The following GOLGA8A variants were observed in gnomAD, a reference collection of about 807,000 sequenced individuals.
GOLGA8A encodes the protein golgin A8 family member A, also known as golgin subfamily A member 8A.
In GOLGA8A, 3 loss-of-function variants were observed where a neutral mutation model predicts 22.1. The observed-to-expected ratio is 0.14, with a 90% CI of 0.06 to 0.35. The LOEUF (loss-of-function observed/expected upper bound fraction) is 0.35. GOLGA8A is among the 10% of genes least tolerant of loss of function. The pLI is 1.00. For synonymous variants in GOLGA8A, 7 were observed against 91.7 expected, an observed-to-expected ratio of 0.08 and a Z score of 5.28; for missense variants, 16 against 233.2, an observed-to-expected ratio of 0.07 and a Z score of 6.07.
At chr15:34,428,554 T>A (rs1038529284) in intron 2 of GOLGA8A, 1 of 148,568 alleles carries the variant, frequency 6.7e-6, no homozygotes, top group Non-Finnish European at 1.5e-5. Flanking sequence ...GTCCCCCACC[T>A]CCACACCATG....
At chr15:34,403,032 G>A (rs1595645954) in intron 5 of GOLGA8A, among the ~76,000 whole-genome samples, 1 of 104,452 alleles carries the variant, frequency 9.6e-6, no homozygotes, top group Non-Finnish European at 1.9e-5. Context: ...GCATTATGAA[G>A]TTTCAAGAGA....
At chr15:34,420,719 G>A (rs938339170) in intron 2 of GOLGA8A, among the ~76,000 whole-genome samples, 12 of 126,532 alleles carry the variant, frequency 9.5e-5, no homozygotes, top group African/African-American at 3.5e-4. Flanking sequence ...CTGAGGAAAG[G>A]CAGACTTCAT....
At chr15:34,431,291 T>TTATATATATATATATATACGTA (rs1893219643) in intron 2 of GOLGA8A, among the ~76,000 whole-genome samples, 1 of 112,136 alleles carries the variant, frequency 8.9e-6, no homozygotes, top group African/African-American at 3.5e-5. Context: ...TGAAAAAAAA[T>TTATATATATATATATATACGTA]TATATATATA....
Position 34,380,840 on chromosome 15 carries a change from A to G in GOLGA8A, c.*571T>C. ...TCACCAATACACAGAAAATGGAGGA[A>G]AGGCTGTTTCCAGTTCTCGGCCTTT... On this transcript the variant is annotated 3_prime_UTR_variant, in exon 25 of 25. Transcript: ENST00000359187. The G allele has an allele frequency of 5.2e-6, 1 of 191,914 alleles. No homozygotes were observed. The highest frequency in any genetic ancestry group is 8.8e-5 in the South Asian group (1 of 11,376). 11.9% of individuals were successfully genotyped at this position (191,914 alleles called of 1,614,324 possible).
In GOLGA8A at chr15:34,432,011, A is replaced by G. The variant is rs780771943; in HGVS notation, c.-1123+3372T>C. ...GTGTTCTCCGACTCACTATTTACTA[A>G]TAAGAGTTTCCTCAGAACTGTCTTT... On this transcript the variant is annotated intron_variant, in intron 2 of 24. Coordinates refer to ENST00000359187, the MANE Select transcript of GOLGA8A (RefSeq NM_181077.5). 3.4e-5 allele frequency among the ~76,000 whole-genome samples: 5 copies of G among 149,224 alleles called. 1 individual carries two copies. The highest frequency in any genetic ancestry group is 7.4e-5 in the Non-Finnish European group (5 of 67,200).
chr15:34,409,805 CAG>C (rs1892353163), intron 2 of GOLGA8A: 1 of 637,332 alleles, frequency 1.6e-6, no homozygotes, highest in African/African-American at 1.9e-5. Context: ...ACCCTGCGGC[CAG>C]AGAGCCCCAC....
intron 2 of GOLGA8A, among the ~76,000 whole-genome samples, chr15:34,434,386 C>A (rs1893396940): frequency 6.7e-6 from 1 of 149,406 alleles, no homozygotes; most frequent in Non-Finnish European, 1.5e-5. Flanking sequence ...CAATGGCACC[C>A]CACCAGTACG....
chr15:34,435,945 C>T (rs1390151429), intron 1 of GOLGA8A, among the ~76,000 whole-genome samples: 4 of 149,274 alleles, frequency 2.7e-5, no homozygotes, highest in African/African-American at 9.9e-5. Context: ...CACCCCAGCC[C>T]TCCTGCCCCG....
At chr15:34,429,715 C>T (rs1489430397) in intron 2 of GOLGA8A, among the ~76,000 whole-genome samples, 1 of 146,314 alleles carries the variant, frequency 6.8e-6, no homozygotes, top group Non-Finnish European at 1.5e-5. Context: ...AAAATACCTA[C>T]TGAGTACACG....
chr15:34,433,145 G>T (rs865794683), intron 2 of GOLGA8A, among the ~76,000 whole-genome samples: 1 of 148,856 alleles, frequency 6.7e-6, no homozygotes, highest in Non-Finnish European at 1.5e-5. Flanking sequence ...TAAAACCAAA[G>T]CATCTTCTCC....
chr15:34,428,630 C>G (rs1258508548), intron 2 of GOLGA8A: 1 of 148,058 alleles, frequency 6.8e-6, no homozygotes. Context: ...AAACAGGGAC[C>G]TCTGACGCTT....
rs541495431 is a variant in GOLGA8A, at chr15:34,380,651, G to A, written c.*760C>T. Reference sequence around the variant, plus strand: ...GCAGCTCACGATGCAATATCTTCATGAGCCCAGAGCACATACAAATCCAAA... The same window carrying A: ...GCAGCTCACGATGCAATATCTTCATAAGCCCAGAGCACATACAAATCCAAA... On this transcript the variant is annotated 3_prime_UTR_variant, in exon 25 of 25. Transcript: ENST00000359187. The A allele has an allele frequency of 6.5e-6, 1 of 152,944 alleles. No individual in the cohort carries two copies. The highest frequency in any genetic ancestry group is 2.1e-4 in the South Asian group (1 of 4,838). The allele number at this position is 152,944 out of a possible 1,614,324, so 9.5% of individuals were successfully genotyped here.
At chr15:34,420,492 G>C (rs530283173) in intron 2 of GOLGA8A, among the ~76,000 whole-genome samples, 1 of 145,944 alleles carries the variant, frequency 6.9e-6, no homozygotes, top group Non-Finnish European at 1.5e-5. Flanking sequence ...GCCAGGTCAC[G>C]GGCACAGGCC....
Position 34,415,768 on chromosome 15 carries a change from ATT to A in GOLGA8A, c.-1122-8035_-1122-8034del, listed in dbSNP as rs1892548509. The A allele has an allele frequency of 1.2e-4, 3 of 24,328 alleles. No homozygotes were observed. In the South Asian group the frequency reaches 3.1e-3, roughly 25 times the overall value. The allele number at this position is 24,328 out of a possible 1,614,324, so 1.5% of individuals were successfully genotyped here. A position where few individuals can be genotyped will look rare whatever the true frequency, so the allele number is the denominator to read the frequency against. ...ACGGCAAATTTGTCTCTCTCTCACT[ATT>A]GTATGGGTTAATGGGCTAGCTGGAC... is the stretch of plus-strand genomic sequence containing the variant. On this transcript the variant is annotated intron_variant, in intron 2 of 24. Transcript: ENST00000359187.
At chr15:34,433,403 C>G (rs1893344539) in intron 2 of GOLGA8A, among the ~76,000 whole-genome samples, 1 of 149,220 alleles carries the variant, frequency 6.7e-6, no homozygotes, top group Admixed American at 6.8e-5. Context: ...GTGCAGAGAA[C>G]CCAAACAACT....
chr15:34,434,180 G>A (rs2453689), intron 2 of GOLGA8A, among the ~76,000 whole-genome samples: 2 of 149,384 alleles, frequency 1.3e-5, no homozygotes, highest in Admixed American at 6.7e-5. Context: ...GCCTGGAGGG[G>A]CCATTCTTGG....
At position 34,380,398 on chromosome 15, in the gene GOLGA8A, T is replaced by C. The variant is rs1407052903; in HGVS notation, c.*1013A>G. 4 of 152,216 alleles carry C rather than the reference T, an allele frequency of 2.6e-5. No homozygotes were observed. The highest frequency in any genetic ancestry group is 1.5e-5 in the Non-Finnish European group (1 of 68,030). The allele number at this position is 152,216 out of a possible 1,614,324, so 9.4% of individuals were successfully genotyped here. A position where few individuals can be genotyped will look rare whatever the true frequency, so the allele number is the denominator to read the frequency against. On this transcript the variant is annotated 3_prime_UTR_variant, in exon 25 of 25. Transcript: ENST00000359187. ...ATTTAAACTCTTAAAGGATTTCTTA[T>C]GATCTTCACTAAATACATTAAGAAG...
rs2140265623 is a variant in GOLGA8A at position 34,418,084 on chromosome 15, C to T, written c.-1122-10349G>A. On this transcript the variant is annotated intron_variant, in intron 2 of 24. Coordinates refer to ENST00000359187, the MANE Select transcript of GOLGA8A (RefSeq NM_181077.5). ...TTTTTCTTCTTCTATGTGTTGGTCT[C>T]CAGATTTCCCACTTTTTCAGTTAGT... The T allele has an allele frequency of 1.7e-5, 2 of 119,916 alleles. 1 individual carries two copies. Among genetic ancestry groups the T allele is most frequent in the East Asian group, 5.2e-4 (2 of 3,836 alleles). 7.4% of individuals were successfully genotyped at this position (119,916 alleles called of 1,614,324 possible).
Position 34,437,802 on chromosome 15 carries a change from G to C in GOLGA8A, c.-1616C>G, listed in dbSNP as rs1893620842. 6.7e-6 allele frequency among the ~76,000 whole-genome samples: 1 copy of C among 149,074 alleles called. No homozygotes were observed. Among genetic ancestry groups the C allele is most frequent in the African/African-American group, 2.5e-5 (1 of 40,536 alleles). On this transcript the variant is annotated 5_prime_UTR_variant, in exon 1 of 25. Coordinates refer to ENST00000359187, the MANE Select transcript of GOLGA8A (RefSeq NM_181077.5). The stretch of plus-strand genomic sequence containing the variant: ...TCGACTGCTGATTAGCCCGACAGCT[G>C]AATAGCGGCGGGAGCCTACCGCGAG...
Sources: gnomAD v4.1 joint callset for allele counts (sites outside exome capture counted in the v4.1 genomes callset) on GRCh38, gnomAD v4.1.1 for gene constraint, MANE v1.5 for transcripts, NCBI Gene and HGNC (gene_info 2026-07-23, HGNC 2026-07-21) for gene names.